The following RBFOX1 variants were observed in gnomAD, a reference collection of about 807,000 sequenced individuals.
RBFOX1 encodes RNA binding fox-1 homolog 1, also known as RNA binding protein fox-1 homolog 1.
Under a neutral mutation model 57.7 loss-of-function variants are expected in RBFOX1, and 8 were observed. The ratio of observed to expected loss-of-function variants is 0.14; its 90% CI spans 0.08 to 0.25. The LOEUF (loss-of-function observed/expected upper bound fraction) is 0.25, where lower values mean the gene tolerates loss of function less well. Ranked by LOEUF, RBFOX1 falls within the 10% of genes least tolerant of loss-of-function variation. The pLI, the probability that RBFOX1 is intolerant of heterozygous loss-of-function variation, is 1.00. For missense variants in RBFOX1, 611 were observed against 548.5 expected (o/e 1.11, Z -1.14); for synonymous variants, 326 against 222.4 (o/e 1.47, Z -4.15).
intron 2 of RBFOX1, among the ~76,000 whole-genome samples, chr16:6,503,324 G>T (rs2153186143): frequency 6.6e-6 from 1 of 152,312 alleles, no homozygotes; most frequent in East Asian, 1.9e-4. Flanking sequence ...ATGGGATAAA[G>T]GAGATTGTAG....
chr16:5,699,981 C>T (rs567198411), intron 3 of RBFOX1, among the ~76,000 whole-genome samples: 216 of 152,142 alleles, frequency 1.4e-3, no homozygotes, highest in African/African-American at 3.1e-3. Flanking sequence ...TACAGGCGCC[C>T]GCCACCACGC....
chr16:5,793,407 T>C (rs1330600328), intron 3 of RBFOX1, among the ~76,000 whole-genome samples: 1 of 152,242 alleles, frequency 6.6e-6, no homozygotes, highest in Non-Finnish European at 1.5e-5. Flanking sequence ...GGTGAAGATT[T>C]ACCCTGATTT....
chr16:7,054,275 C>A (rs1465740927), intron 4 of RBFOX1, among the ~76,000 whole-genome samples: 1 of 53,332 alleles, frequency 1.9e-5, no homozygotes, highest in Non-Finnish European at 3.6e-5. Flanking sequence ...GAGTCTCTTT[C>A]TTTCATCATG....
intron 3 of RBFOX1, among the ~76,000 whole-genome samples, chr16:6,832,380 G>T (rs979251831): frequency 1.3e-5 from 2 of 152,176 alleles, no homozygotes; most frequent in African/African-American, 4.8e-5. Flanking sequence ...GGTAGTGGAT[G>T]ATTTCCCCAG....
intron 3 of RBFOX1, among the ~76,000 whole-genome samples, chr16:6,689,272 G>C (rs973578845): frequency 1.3e-5 from 2 of 152,002 alleles, no homozygotes; most frequent in Non-Finnish European, 2.9e-5. Flanking sequence ...ATTGTTTCTT[G>C]TTTTCATATG....
In RBFOX1 at chr16:6,683,503, T is replaced by C. The variant is rs2058975486; in HGVS notation, c.-16+28853T>C. Among the ~76,000 whole-genome samples the C allele has an allele frequency of 2.0e-5, 3 of 152,236 alleles. No individual in the cohort carries two copies. In the South Asian group the frequency reaches 6.2e-4, roughly 31 times the overall value. ...ATATATACATGCATCCAAAACTATA[T>C]ATAAACAAAACTATATATATATGTA... On this transcript the variant is annotated intron_variant, in intron 3 of 15. Coordinates refer to ENST00000550418, the MANE Select transcript of RBFOX1 (RefSeq NM_018723.4).
At chr16:5,975,036 A>C (rs963640518) in intron 4 of RBFOX1, among the ~76,000 whole-genome samples, 45 of 152,318 alleles carry the variant, frequency 3.0e-4, no homozygotes, top group African/African-American at 1.1e-3. Context: ...TAAAAATAAC[A>C]AAAGTAAAAA....
chr16:5,900,567 C>T (rs2058282384), intron 4 of RBFOX1, among the ~76,000 whole-genome samples: 1 of 152,168 alleles, frequency 6.6e-6, no homozygotes, highest in South Asian at 2.1e-4. Flanking sequence ...TCGCAACCTT[C>T]CTGCTCCCGC....
intron 3 of RBFOX1, among the ~76,000 whole-genome samples, chr16:6,916,196 A>G (rs997141242): frequency 1.3e-5 from 2 of 152,210 alleles, no homozygotes; most frequent in Non-Finnish European, 2.9e-5. Context: ...GAAATAAAGT[A>G]GGAATCAGGA....
intron 3 of RBFOX1, among the ~76,000 whole-genome samples, chr16:6,683,891 G>T (rs1183183412): frequency 2.6e-5 from 4 of 152,198 alleles, no homozygotes; most frequent in Non-Finnish European, 5.9e-5. Flanking sequence ...ACACGAAATG[G>T]TTGTAAGAGT....
chr16:7,337,546 C>T (rs1603624292), intron 4 of RBFOX1, among the ~76,000 whole-genome samples: 1 of 152,150 alleles, frequency 6.6e-6, no homozygotes, highest in South Asian at 2.1e-4. Flanking sequence ...AGTGAAAAAA[C>T]ATAGGTCAAA....
rs1380980369 is a variant in RBFOX1 at position 5,815,202 on chromosome 16, A to T, written c.319-52101A>T. Reference sequence around the variant, plus strand: ...GTAGAGACAGTCTCACTATGTTGCCAAGGCTGGCCTCAAACTCCTGAGCTC... The same window carrying T: ...GTAGAGACAGTCTCACTATGTTGCCTAGGCTGGCCTCAAACTCCTGAGCTC... On this transcript the variant is annotated intron_variant, in intron 3 of 19. Coordinates refer to the RBFOX1 transcript ENST00000641259. 3.1e-5 allele frequency among the ~76,000 whole-genome samples: 4 copies of T among 130,324 alleles called. No individual in the cohort carries two copies. The East Asian group carries it at 9.0e-4, about 29-fold the overall frequency. 85.5% of individuals were successfully genotyped at this position (130,324 alleles called of 152,430 possible).
At chr16:5,929,401 G>C (rs1186746162) in intron 4 of RBFOX1, among the ~76,000 whole-genome samples, 1 of 152,136 alleles carries the variant, frequency 6.6e-6, no homozygotes, top group Non-Finnish European at 1.5e-5. Context: ...TCTGGAAAGA[G>C]AATTGGGTTC....
chr16:7,458,374 G>A (rs184730309), intron 4 of RBFOX1, among the ~76,000 whole-genome samples: 1 of 152,262 alleles, frequency 6.6e-6, no homozygotes, highest in African/African-American at 2.4e-5. Context: ...TTCCCATGCT[G>A]TCCTGGAGCA....
chr16:7,267,629 C>T (rs1032939312), intron 4 of RBFOX1, among the ~76,000 whole-genome samples: 12 of 151,620 alleles, frequency 7.9e-5, no homozygotes, highest in Non-Finnish European at 7.4e-5. Context: ...CTGAGGTGGG[C>T]GGATCACTTG....
chr16:6,674,401 A>G (rs1265013180), intron 3 of RBFOX1, among the ~76,000 whole-genome samples: 5 of 151,852 alleles, frequency 3.3e-5, no homozygotes, highest in Non-Finnish European at 7.4e-5. Flanking sequence ...AGCTCACCTC[A>G]ACCTCCGCCT....
intron 4 of RBFOX1, among the ~76,000 whole-genome samples, chr16:7,210,058 C>G (rs570554666): frequency 5.3e-5 from 8 of 152,214 alleles, no homozygotes; most frequent in African/African-American, 1.9e-4. Context: ...GCAGATTTCC[C>G]AAAGGAAGAA....
chr16:6,790,519 A>G (rs990403519), intron 3 of RBFOX1, among the ~76,000 whole-genome samples: 3 of 152,020 alleles, frequency 2.0e-5, no homozygotes, highest in Admixed American at 6.6e-5. Flanking sequence ...TTTGCATCAT[A>G]GTTTGCAAAG....
At chr16:5,377,103 C>T (rs1458727505) in intron 1 of RBFOX1, among the ~76,000 whole-genome samples, 1 of 151,652 alleles carries the variant, frequency 6.6e-6, no homozygotes, top group African/African-American at 2.4e-5. Context: ...GTGTGGGAGT[C>T]ATTGGCTTAG....
Sources: gnomAD v4.1 joint callset for allele counts (sites outside exome capture counted in the v4.1 genomes callset) on GRCh38, gnomAD v4.1.1 for gene constraint, MANE v1.5 for transcripts, NCBI Gene and HGNC (gene_info 2026-07-23, HGNC 2026-07-21) for gene names.